The following LRBA variants were observed in gnomAD, a reference collection of about 807,000 sequenced individuals.
The protein encoded by LRBA is lipopolysaccharide-responsive and beige-like anchor protein.
LRBA carries 176 observed loss-of-function variants against 330.0 expected under a neutral mutation model. That is an observed-to-expected ratio of 0.53 (90% confidence interval 0.47 to 0.60). The LOEUF is 0.60. Among genes scored for constraint, LRBA ranks in the 20% least tolerant of loss-of-function variants. The pLI, the probability that LRBA is intolerant of heterozygous loss-of-function variation, is 0.00. For synonymous variants in LRBA, 1,230 were observed against 1,193.0 expected, an observed-to-expected ratio of 1.03 and a Z score of -0.64; for missense variants, 3,259 against 3,444.8, an observed-to-expected ratio of 0.95 and a Z score of 1.35.
intron 35 of LRBA, among the ~76,000 whole-genome samples, chr4:150,753,379 C>T (rs181613340): frequency 6.6e-5 from 10 of 152,262 alleles, no homozygotes; most frequent in Admixed American, 2.0e-4. Flanking sequence ...AAGTGAATGA[C>T]GCTATTTTCA....
chr4:150,398,162 A>T (rs935846093), intron 47 of LRBA, among the ~76,000 whole-genome samples: 3 of 152,214 alleles, frequency 2.0e-5, no homozygotes, highest in Non-Finnish European at 4.4e-5. Flanking sequence ...TGAGATGGTG[A>T]ATGGAACAGA....
intron 2 of LRBA, among the ~76,000 whole-genome samples, chr4:150,941,551 G>C (rs182206310): frequency 6.6e-6 from 1 of 152,318 alleles, no homozygotes; most frequent in East Asian, 1.9e-4. Flanking sequence ...ATACAATCCA[G>C]ACTTTTTTTG....
intron 29 of LRBA, among the ~76,000 whole-genome samples, chr4:150,830,039 A>G (rs559270498): frequency 4.6e-5 from 7 of 152,210 alleles, no homozygotes; most frequent in Non-Finnish European, 7.4e-5. Context: ...CACCATCTCT[A>G]GTTACCAACC....
intron 56 of LRBA, among the ~76,000 whole-genome samples, chr4:150,272,826 A>G (rs2126718454): frequency 6.6e-6 from 1 of 152,238 alleles, no homozygotes; most frequent in East Asian, 1.9e-4. Flanking sequence ...GACCAAATCT[A>G]CATTTGATTT....
At chr4:150,934,967 C>T (rs1734932362) in intron 2 of LRBA, among the ~76,000 whole-genome samples, 2 of 149,942 alleles carry the variant, frequency 1.3e-5, no homozygotes, top group South Asian at 4.2e-4. Context: ...GAGATCGCGC[C>T]ATTGCACTCT....
intron 2 of LRBA, among the ~76,000 whole-genome samples, chr4:150,998,093 T>C (rs2149643347): frequency 6.6e-6 from 1 of 152,020 alleles, no homozygotes; most frequent in African/African-American, 2.4e-5. Context: ...GGCTCATACC[T>C]GTAATCCCAG....
chr4:150,637,839 A>G (rs1387165211), intron 37 of LRBA, among the ~76,000 whole-genome samples: 1 of 152,172 alleles, frequency 6.6e-6, no homozygotes. Flanking sequence ...GACCCATTGC[A>G]CTATGAAATA....
chr4:150,821,685 A>G (rs1391704498), intron 30 of LRBA, among the ~76,000 whole-genome samples: 2 of 152,210 alleles, frequency 1.3e-5, no homozygotes, highest in African/African-American at 2.4e-5. Context: ...AGGAAAAAAG[A>G]GCATTTCAGC....
intron 44 of LRBA, among the ~76,000 whole-genome samples, chr4:150,456,296 A>G (rs772194497): frequency 1.5e-4 from 23 of 152,174 alleles, no homozygotes; most frequent in Non-Finnish European, 2.8e-4. Context: ...CCAACAGTGT[A>G]CAAGAGTTCT....
intron 56 of LRBA, among the ~76,000 whole-genome samples, chr4:150,276,915 C>T (rs1303765485): frequency 6.6e-6 from 1 of 152,176 alleles, no homozygotes; most frequent in Non-Finnish European, 1.5e-5. Flanking sequence ...CCCACAATCT[C>T]ATTACTGGGT....
At position 150,564,150 on chromosome 4, in the gene LRBA, C is replaced by T. The variant is rs899800872; in HGVS notation, c.6330+23898G>A. 9.2e-5 allele frequency among the ~76,000 whole-genome samples: 14 copies of T among 151,972 alleles called. No homozygotes were observed. The South Asian group carries it at 2.3e-3, about 25-fold the overall frequency. ...ACTTCAAACTATACTAAAAGGCTACCGTAACCAAAACAGCATGGTACTGGT... is the reference window on the plus strand; with the variant it reads ...ACTTCAAACTATACTAAAAGGCTACTGTAACCAAAACAGCATGGTACTGGT... On this transcript the variant is annotated intron_variant, in intron 40 of 56. Transcript: ENST00000651943.
At chr4:150,981,689 G>A (rs189893605) in intron 2 of LRBA, among the ~76,000 whole-genome samples, 5 of 151,692 alleles carry the variant, frequency 3.3e-5, no homozygotes, top group Admixed American at 6.6e-5. Flanking sequence ...GGCCGGACAC[G>A]GTGGCTCACA....
In LRBA at chr4:150,583,299, C is replaced by T. The variant is rs2126395510; in HGVS notation, c.6330+4749G>A. On this transcript the variant is annotated intron_variant, in intron 40 of 56. Coordinates refer to ENST00000651943, the MANE Select transcript of LRBA (RefSeq NM_001364905.1). This position sits in a 1 kb window ranked among gnomAD's most constrained non-coding sequence, Gnocchi z 9.8. ...AGATGGGCGTCTTCAACTTCGTGGACGACGGCTCGCTGCCCGGCTGCGCAG... is the reference window on the plus strand; with the variant it reads ...AGATGGGCGTCTTCAACTTCGTGGATGACGGCTCGCTGCCCGGCTGCGCAG... 1 of 1,614,184 alleles carries T rather than the reference C, an allele frequency of 6.2e-7. No individual in the cohort carries two copies. Among genetic ancestry groups the T allele is most frequent in the Non-Finnish European group, 8.5e-7 (1 of 1,180,038 alleles).
chr4:150,389,940 T>C (rs1351438571), intron 47 of LRBA, among the ~76,000 whole-genome samples: 3 of 138,216 alleles, frequency 2.2e-5, no homozygotes, highest in South Asian at 2.3e-4. Flanking sequence ...TTTTTGCCAG[T>C]GGATGAGAAG....
intron 47 of LRBA, among the ~76,000 whole-genome samples, chr4:150,379,962 A>ACATGGAGAAACCCT (rs1189689678): frequency 6.6e-6 from 1 of 150,798 alleles, no homozygotes; most frequent in Non-Finnish European, 1.5e-5. Flanking sequence ...CAGGAGTTCA[A>ACATGGAGAAACCCT]GACCAGCCTG....
intron 35 of LRBA, among the ~76,000 whole-genome samples, chr4:150,754,587 A>C (rs1734036504): frequency 6.7e-6 from 1 of 149,812 alleles, no homozygotes; most frequent in African/African-American, 2.4e-5. Context: ...TCCACTGTTG[A>C]TCTCTGACTC....
intron 2 of LRBA, among the ~76,000 whole-genome samples, chr4:150,993,459 C>T (rs1007645222): frequency 6.6e-6 from 1 of 152,168 alleles, no homozygotes; most frequent in African/African-American, 2.4e-5. Flanking sequence ...AACCCCAGCA[C>T]GTTGGGAGGC....
At chr4:150,450,257 T>G (rs1210232537) in intron 44 of LRBA, among the ~76,000 whole-genome samples, 1 of 152,248 alleles carries the variant, frequency 6.6e-6, no homozygotes, top group Non-Finnish European at 1.5e-5. Context: ...GTGTATGCAC[T>G]GTATTAGTTT....
chr4:150,559,906 TATATATA>T (rs1361278642), intron 40 of LRBA, among the ~76,000 whole-genome samples: 1 of 54,796 alleles, frequency 1.8e-5, no homozygotes, highest in Non-Finnish European at 3.4e-5. Context: ...TATATATAAT[TATATATA>T]ATATATAAAT....
Sources: gnomAD v4.1 joint callset for allele counts (sites outside exome capture counted in the v4.1 genomes callset) on GRCh38, gnomAD v4.1.1 for gene constraint, Gnocchi (gnomAD v3.1) non-coding constraint, MANE v1.5 for transcripts, NCBI Gene and HGNC (gene_info 2026-07-23, HGNC 2026-07-21) for gene names.